The following UBAP2L variants were observed in gnomAD, a reference collection of about 807,000 sequenced individuals.
UBAP2L encodes ubiquitin-associated protein 2-like.
In UBAP2L, 12 loss-of-function variants were observed where a neutral mutation model predicts 130.6. That is an observed-to-expected ratio of 0.09 (90% CI 0.06 to 0.15). UBAP2L has a LOEUF of 0.15. UBAP2L is among the 10% of genes least tolerant of loss of function. UBAP2L has a pLI of 1.00. For missense variants in UBAP2L, 965 were observed against 1,332.5 expected (o/e 0.72, Z 4.29); for synonymous variants, 503 against 524.7 (o/e 0.96, Z 0.57).
At chr1:154,225,804 C>A (rs1447230455) in intron 2 of UBAP2L, among the ~76,000 whole-genome samples, 1 of 152,156 alleles carries the variant, frequency 6.6e-6, no homozygotes, top group East Asian at 1.9e-4. Flanking sequence ...TTAGACCTTC[C>A]ACCTTGATAT....
At chr1:154,270,951 A>G, downstream of UBAP2L, 1 of 1,547,722 alleles carries the variant, frequency 6.5e-7, no homozygotes. Context: ...CTCCTCTAGC[A>G]GGCCCCTGAA....
At chr1:154,250,346 C>T (rs1254332262) in intron 12 of UBAP2L, among the ~76,000 whole-genome samples, 1 of 119,434 alleles carries the variant, frequency 8.4e-6, no homozygotes, top group African/African-American at 2.6e-5. Context: ...GCCATTGCAC[C>T]TGGCCATTTT....
In UBAP2L at chr1:154,227,767, C is replaced by T. The variant is rs537775222; in HGVS notation, c.168+408C>T. ...TTCACCATGTTGGCCAGGCTGGTCTCGAACTCCTGACCTCAAGTGATCTGC... is the reference window on the plus strand; with the variant it reads ...TTCACCATGTTGGCCAGGCTGGTCTTGAACTCCTGACCTCAAGTGATCTGC... On this transcript the variant is annotated intron_variant, in intron 3 of 26. Transcript: ENST00000428931. Among the ~76,000 whole-genome samples, 217 of 152,188 alleles carry T rather than the reference C, an allele frequency of 1.4e-3. 1 individual carries two copies. The highest frequency in any genetic ancestry group is 2.3e-3 in the Non-Finnish European group (158 of 67,996).
upstream of UBAP2L, chr1:154,220,605 G>C (rs1665558000): frequency 3.3e-6 from 2 of 609,088 alleles, no homozygotes; most frequent in Admixed American, 2.9e-5. Context: ...ACGCCTTCCA[G>C]CTTCCCCCTG....
At chr1:154,228,781 T>C in intron 4 of UBAP2L, 56 bp downstream of exon 4, 1 of 1,387,626 alleles carries the variant, frequency 7.2e-7, no homozygotes, top group Non-Finnish European at 1.0e-6. Context: ...AGGCTAGTAA[T>C]GTTCTAAAAG....
At chr1:154,252,616 A>G (rs1175128411) in intron 14 of UBAP2L, among the ~76,000 whole-genome samples, 6 of 148,616 alleles carry the variant, frequency 4.0e-5, no homozygotes, top group African/African-American at 7.5e-5. Context: ...CTGAAGTGCA[A>G]TGGTGCAATC....
intron 18 of UBAP2L, 87 bp from the exon 19 acceptor site, chr1:154,256,976 T>G (rs1462174653): frequency 6.9e-7 from 1 of 1,452,690 alleles, no homozygotes; most frequent in Non-Finnish European, 9.3e-7. Context: ...TCATAATATA[T>G]TCAGCAGGAG....
At chr1:154,267,802 C>G (rs12566324) in intron 25 of UBAP2L, among the ~76,000 whole-genome samples, 1 of 144,772 alleles carries the variant, frequency 6.9e-6, no homozygotes, top group Non-Finnish European at 1.5e-5. Flanking sequence ...GCCTGGAGTT[C>G]TAAGTTCGGA....
At position 154,270,649 on chromosome 1, in the gene UBAP2L, C is replaced by T; in HGVS notation, c.*354C>T. 1 of 1,410,912 alleles carries T rather than the reference C, an allele frequency of 7.1e-7. No individual in the cohort carries two copies. The highest frequency in any genetic ancestry group is 1.6e-5 in the South Asian group (1 of 61,556). 87.4% of individuals were successfully genotyped at this position (1,410,912 alleles called of 1,614,324 possible). On this transcript the variant is annotated 3_prime_UTR_variant, in exon 27 of 27. Coordinates refer to ENST00000428931, the MANE Select transcript of UBAP2L (RefSeq NM_014847.4). ...GGTGGGACCCCCAAACATATATCAGCCCAACAGCCCTAAGTCTCCTTCTTT... is the reference window on the plus strand; with the variant it reads ...GGTGGGACCCCCAAACATATATCAGTCCAACAGCCCTAAGTCTCCTTCTTT...
chr1:154,234,736 G>C lies in UBAP2L; in HGVS notation c.425G>C (p.Arg142Thr). Residue 142 changes from arginine to threonine, a missense_variant, in exon 5 of 27, where the codon AGA becomes ACA. Transcript: ENST00000428931. ...CGTGGTGGGCCACCAAGACGGGGGA[G>C]AGGTGCCAGCCGTGGACGAGAGTGT... ...RRRGGPPRRG[R>T]GASRGREFRG... The C allele has an allele frequency of 6.2e-7, 1 of 1,607,388 alleles. No homozygotes were observed. The highest frequency in any genetic ancestry group is 8.5e-7 in the Non-Finnish European group (1 of 1,176,622).
In UBAP2L at chr1:154,234,630, G is replaced by A. The variant is rs1571679028; in HGVS notation, c.319G>A (p.Gly107Ser). Residue 107 changes from glycine (G) to serine (S), a missense_variant, in exon 5 of 27, where the codon GGC becomes AGC. Physicochemically the swap from Gly to Ser is moderately conservative, Grantham distance 56. Transcript: ENST00000428931. ...GGTCGGGAAGAAGAAGGGAGTCTCA[G>A]GCCAGAAGGATGGTGGCCAGACGGA... Reference protein sequence around the residue: ...EMVGKKKGVSGQKDGGQTESN... With the variant: ...EMVGKKKGVSSQKDGGQTESN... 1 of 1,614,098 alleles carries A rather than the reference G, an allele frequency of 6.2e-7. No homozygotes were observed. The highest frequency in any genetic ancestry group is 8.5e-7 in the Non-Finnish European group (1 of 1,180,014).
chr1:154,235,133 C>A, intron 5 of UBAP2L, 63 bp from the exon 6 acceptor site: 2 of 706,432 alleles, frequency 2.8e-6, no homozygotes, highest in Non-Finnish European at 5.2e-6. Flanking sequence ...TGACTGTGCT[C>A]TGGCCATCTG....
At chr1:154,263,790 G>A (rs1185569765) in intron 24 of UBAP2L, among the ~76,000 whole-genome samples, 1 of 152,252 alleles carries the variant, frequency 6.6e-6, no homozygotes, top group East Asian at 1.9e-4. Flanking sequence ...CATAAGCAGT[G>A]GGGGAAAGGA....
chr1:154,270,383 TG>T lies in UBAP2L; in HGVS notation c.*94del, dbSNP rs1558244497. 1 of 1,576,594 alleles carries T rather than the reference TG, an allele frequency of 6.3e-7. No individual in the cohort carries two copies. The highest frequency in any genetic ancestry group is 1.3e-5 in the African/African-American group (1 of 74,174). On this transcript the variant is annotated 3_prime_UTR_variant, in exon 27 of 27. Transcript: ENST00000428931. ...AAACAGCATCAAAGAGAAAGGAATG[TG>T]GGGGGTTTCCGCTGCCCCCCACCCC...
Position 154,257,202 on chromosome 1 carries a change from T to C in UBAP2L, c.2297T>C (p.Leu766Pro). 1.2e-6 allele frequency: 2 copies of C among 1,614,244 alleles called. No individual in the cohort carries two copies. The highest frequency in any genetic ancestry group is 1.7e-6 in the Non-Finnish European group (2 of 1,180,050). The change falls in exon 19 of 27, where the codon CTA becomes CCA. Residue 766 changes from leucine (L) to proline (P), a missense_variant. Coordinates refer to ENST00000428931, the MANE Select transcript of UBAP2L (RefSeq NM_014847.4). The part of the protein sequence containing the change: ...LNSGSSLGLS[L>P]GSNSTVTAST... The stretch of plus-strand genomic sequence containing the variant: ...AGTGGCAGTAGCCTGGGCCTCAGCC[T>C]AGGCAGCAACTCCACTGTCACAGCC...
rs1684451733 is a variant in UBAP2L, at chr1:154,270,207, G to A, written c.3176G>A (p.Ser1059Asn). 1 of 1,599,184 alleles carries A rather than the reference G, an allele frequency of 6.3e-7. No individual in the cohort carries two copies. The highest frequency in any genetic ancestry group is 1.7e-5 in the Admixed American group (1 of 58,432). The change falls in exon 27 of 27, where the codon AGC (serine) becomes AAC (asparagine). Residue 1059 changes from serine to asparagine, a missense_variant. Physicochemically the swap from Ser to Asn is conservative, Grantham distance 46. This residue lies in a region of UBAP2L where 194 missense variants were observed against 334.0 expected (regional missense o/e 0.58). Transcript: ENST00000428931. ...CCTCCCATTCCCCTGCAGACGGGCA[G>A]CGGGCAACGTAGCCAGACCAGCTCC... is the stretch of plus-strand genomic sequence containing the variant. ...HHLQQDGQTG[S>N]GQRSQTSSIP...
At chr1:154,220,465 C>G (rs1665513173), upstream of UBAP2L, 1 of 1,605,080 alleles carries the variant, frequency 6.2e-7, no homozygotes, top group Non-Finnish European at 8.5e-7. Flanking sequence ...GGCTGGTCAG[C>G]CCAGGCTCCG....
At chr1:154,229,834 C>A (rs1669221686) in intron 4 of UBAP2L, among the ~76,000 whole-genome samples, 1 of 152,146 alleles carries the variant, frequency 6.6e-6, no homozygotes, top group Non-Finnish European at 1.5e-5. Context: ...GAATAGATAT[C>A]AAAATTCATC....
At chr1:154,250,498 A>G (rs1298556112) in intron 12 of UBAP2L, among the ~76,000 whole-genome samples, 5 of 152,144 alleles carry the variant, frequency 3.3e-5, no homozygotes, top group Admixed American at 6.5e-5. Flanking sequence ...TTAAACTTGG[A>G]CAATTTGTGC....
Sources: allele counts gnomAD v4.1 joint callset (sites outside exome capture counted in the v4.1 genomes callset), GRCh38; gene constraint gnomAD v4.1.1; regional missense constraint gnomAD v4.1.1; transcripts MANE v1.5; gene names NCBI Gene and HGNC (gene_info 2026-07-23, HGNC 2026-07-21).